Variants in DPYD observed in about 807,000 individuals in gnomAD.
The protein encoded by DPYD is dihydropyrimidine dehydrogenase [NADP(+)].
DPYD carries 109 observed loss-of-function variants against 116.2 expected under a neutral mutation model. The observed-to-expected ratio is 0.94, with a 90% CI of 0.80 to 1.10. The LOEUF (loss-of-function observed/expected upper bound fraction) is 1.10, where lower values mean the gene tolerates loss of function less well. Ranked by LOEUF, DPYD falls within the 50% of genes least tolerant of loss-of-function variation. DPYD has a pLI of 0.00. For missense variants in DPYD, 1,302 were observed against 1,254.5 expected (o/e 1.04, Z -0.57); for synonymous variants, 440 against 432.0 (o/e 1.02, Z -0.23).
intron 18 of DPYD, among the ~76,000 whole-genome samples, chr1:97,238,208 A>G (rs928620390): frequency 6.6e-6 from 1 of 152,174 alleles, no homozygotes; most frequent in Non-Finnish European, 1.5e-5. Context: ...AAAAAATAAG[A>G]GTATTTTTTC....
intron 8 of DPYD, among the ~76,000 whole-genome samples, chr1:97,666,974 T>C (rs77325233): frequency 0.086 from 13,052 of 152,252 alleles, 788 homozygotes; most frequent in Middle Eastern, 0.12. Flanking sequence ...TTTTGGTGCA[T>C]CATCTGCTGA....
chr1:97,591,329 ATTTG>A (rs1163152583), intron 10 of DPYD, among the ~76,000 whole-genome samples: 1 of 152,116 alleles, frequency 6.6e-6, no homozygotes, highest in Non-Finnish European at 1.5e-5. Flanking sequence ...GTGACAGTTT[ATTTG>A]TTTAATTATT....
At chr1:97,259,231 T>C (rs1036433119) in intron 18 of DPYD, among the ~76,000 whole-genome samples, 5 of 152,052 alleles carry the variant, frequency 3.3e-5, no homozygotes. Context: ...CTCAAAGAGA[T>C]TGTGACAATG....
chr1:97,719,345 A>G (rs1049910200), intron 5 of DPYD, among the ~76,000 whole-genome samples: 2 of 151,868 alleles, frequency 1.3e-5, no homozygotes, highest in South Asian at 4.1e-4. Flanking sequence ...TATTTTAAAA[A>G]TCACTTATAA....
chr1:97,690,261 A>C (rs1028850508), intron 7 of DPYD, among the ~76,000 whole-genome samples: 1 of 152,056 alleles, frequency 6.6e-6, no homozygotes, highest in Non-Finnish European at 1.5e-5. Flanking sequence ...ACTATAGCTA[A>C]GATATATTTC....
At chr1:97,237,677 A>C (rs1405552729) in intron 18 of DPYD, among the ~76,000 whole-genome samples, 1 of 152,210 alleles carries the variant, frequency 6.6e-6, no homozygotes, top group Non-Finnish European at 1.5e-5. Context: ...AAATCTACAT[A>C]ACAAAAGTTA....
At chr1:97,912,442 T>C (rs1253566940) in intron 1 of DPYD, among the ~76,000 whole-genome samples, 2 of 152,076 alleles carry the variant, frequency 1.3e-5, no homozygotes, top group African/African-American at 4.8e-5. Flanking sequence ...TATAAAGAAA[T>C]GCTTTTGATA....
At chr1:97,752,315 CACACACACAT>C (rs1339132921) in intron 3 of DPYD, among the ~76,000 whole-genome samples, 5 of 148,016 alleles carry the variant, frequency 3.4e-5, no homozygotes, top group South Asian at 2.2e-4. Flanking sequence ...CACACACACA[CACACACACAT>C]ACACACATAC....
intron 3 of DPYD, among the ~76,000 whole-genome samples, chr1:97,755,790 T>C (rs1665194297): frequency 6.6e-6 from 1 of 152,218 alleles, no homozygotes; most frequent in African/African-American, 2.4e-5. Flanking sequence ...AATTATAGTC[T>C]AGACATCATA....
At chr1:97,242,164 A>C (rs1340945660) in intron 18 of DPYD, among the ~76,000 whole-genome samples, 6 of 118,332 alleles carry the variant, frequency 5.1e-5, no homozygotes, top group African/African-American at 9.9e-5. Context: ...ATATATATAT[A>C]TATATATCTT....
At chr1:97,591,378 G>A (rs1027725408) in intron 10 of DPYD, among the ~76,000 whole-genome samples, 2 of 152,156 alleles carry the variant, frequency 1.3e-5, no homozygotes, top group South Asian at 2.1e-4. Flanking sequence ...AATTCCATGA[G>A]GGCATGAAAT....
chr1:97,312,210 A>G (rs968746529), intron 16 of DPYD, among the ~76,000 whole-genome samples: 2 of 151,868 alleles, frequency 1.3e-5, no homozygotes, highest in Non-Finnish European at 1.5e-5. Context: ...TAGAAAAACA[A>G]AAGAATAAAC....
In DPYD at chr1:97,829,761, T is replaced by C. The variant is rs192226663; in HGVS notation, c.151-1565A>G. Reference sequence around the variant, plus strand: ...TGCAATCTTTTTTTTATTTCTTTTTTTTTTAATTATACTTTAAGTTCTAGG... The same window carrying C: ...TGCAATCTTTTTTTTATTTCTTTTTCTTTTAATTATACTTTAAGTTCTAGG... On this transcript the variant is annotated intron_variant, in intron 2 of 22. Coordinates refer to ENST00000370192, the MANE Select transcript of DPYD (RefSeq NM_000110.4). Among the ~76,000 whole-genome samples the C allele has an allele frequency of 2.9e-3, 436 of 152,240 alleles. 3 individuals are homozygous for C. The highest frequency in any genetic ancestry group is 9.4e-3 in the African/African-American group (389 of 41,542).
intron 4 of DPYD, among the ~76,000 whole-genome samples, chr1:97,731,367 C>T (rs1453883046): frequency 1.3e-5 from 2 of 151,824 alleles, no homozygotes; most frequent in Non-Finnish European, 2.9e-5. Context: ...TAATTAGTAT[C>T]GATTCTAATA....
At chr1:97,456,709 T>A (rs1353299228) in intron 13 of DPYD, among the ~76,000 whole-genome samples, 3 of 152,094 alleles carry the variant, frequency 2.0e-5, no homozygotes, top group Admixed American at 2.0e-4. Flanking sequence ...ACTAGTATTA[T>A]AGGAATCTGT....
chr1:97,896,073 A>G (rs577912675), intron 1 of DPYD, among the ~76,000 whole-genome samples: 3 of 151,796 alleles, frequency 2.0e-5, no homozygotes, highest in African/African-American at 7.2e-5. Flanking sequence ...AATAAAATTA[A>G]CTTGGCATCT....
At chr1:97,186,156 G>GATAATTA (rs1347424152) in intron 20 of DPYD, among the ~76,000 whole-genome samples, 4 of 151,832 alleles carry the variant, frequency 2.6e-5, no homozygotes, top group Admixed American at 2.6e-4. Context: ...TTTCCAGAAA[G>GATAATTA]GAAAAAAATA....
chr1:97,536,805 A>G (rs996634937), intron 12 of DPYD, among the ~76,000 whole-genome samples: 7 of 152,214 alleles, frequency 4.6e-5, no homozygotes, highest in African/African-American at 1.7e-4. Flanking sequence ...TGGAAAGATG[A>G]CACTTGACAT....
intron 5 of DPYD, among the ~76,000 whole-genome samples, chr1:97,715,872 A>G (rs974798032): frequency 3.3e-5 from 5 of 152,084 alleles, no homozygotes; most frequent in African/African-American, 1.2e-4. Context: ...GCAATACTCT[A>G]TTGTTCATTA....
Sources: gnomAD v4.1 joint callset for allele counts (sites outside exome capture counted in the v4.1 genomes callset) on GRCh38, gnomAD v4.1.1 for gene constraint, MANE v1.5 for transcripts, NCBI Gene and HGNC (gene_info 2026-07-23, HGNC 2026-07-21) for gene names.